The following RAB11FIP2 variants were observed in gnomAD, a reference collection of about 807,000 sequenced individuals.
The protein encoded by RAB11FIP2 is rab11 family-interacting protein 2.
Under a neutral mutation model 40.9 loss-of-function variants are expected in RAB11FIP2, and 16 were observed. The ratio of observed to expected loss-of-function variants is 0.39; its 90% CI spans 0.26 to 0.59. The LOEUF (loss-of-function observed/expected upper bound fraction) is 0.59. RAB11FIP2 is among the 20% of genes least tolerant of loss of function. The pLI, the probability that RAB11FIP2 is intolerant of heterozygous loss-of-function variation, is 0.53. For missense variants in RAB11FIP2, 532 were observed against 606.2 expected, an observed-to-expected ratio of 0.88 and a Z score of 1.28; for synonymous variants, 228 against 213.7, an observed-to-expected ratio of 1.07 and a Z score of -0.58.
intron 1 of RAB11FIP2, among the ~76,000 whole-genome samples, chr10:118,043,155 C>T (rs929895875): frequency 3.9e-5 from 6 of 152,044 alleles, no homozygotes; most frequent in Admixed American, 3.3e-4. Context: ...TATTCCCAAG[C>T]AATTGGTGCT....
In RAB11FIP2 at chr10:118,045,891, C is replaced by A; in HGVS notation, c.273G>T (p.Leu91=). ...GCCCTAAAAATTTATCCAGACCCACCAGGGACCTGTGCATAACTATAAGGA... is the reference window on the plus strand; with the variant it reads ...GCCCTAAAAATTTATCCAGACCCACAAGGGACCTGTGCATAACTATAAGGA... ...ILFLIVMHRS[L]VGLDKFLGQV... is the part of the protein sequence containing the mutation. Residue 91 remains leucine, a synonymous_variant, in exon 1 of 5, where the codon CTG becomes CTT. Coordinates refer to ENST00000355624, the MANE Select transcript of RAB11FIP2 (RefSeq NM_014904.3). 1.2e-6 allele frequency: 2 copies of A among 1,614,174 alleles called. No homozygotes were observed. The highest frequency in any genetic ancestry group is 1.7e-6 in the Non-Finnish European group (2 of 1,180,020).
At chr10:118,014,300 C>A (rs1055800997) in intron 4 of RAB11FIP2, among the ~76,000 whole-genome samples, 1 of 152,142 alleles carries the variant, frequency 6.6e-6, no homozygotes, top group African/African-American at 2.4e-5. Context: ...CAGCAACCAC[C>A]AGTGTCTTGG....
At chr10:118,043,884 A>G (rs1309356443) in intron 1 of RAB11FIP2, among the ~76,000 whole-genome samples, 1 of 152,224 alleles carries the variant, frequency 6.6e-6, no homozygotes, top group African/African-American at 2.4e-5. Context: ...GCTATTAAAT[A>G]TATTAAAAAA....
At chr10:118,035,341 C>T (rs1416230910) in intron 3 of RAB11FIP2, among the ~76,000 whole-genome samples, 2 of 152,140 alleles carry the variant, frequency 1.3e-5, no homozygotes, top group Admixed American at 6.6e-5. Flanking sequence ...CAGAAATGTG[C>T]TATTTAGATT....
At position 118,009,144 on chromosome 10, in the gene RAB11FIP2, C is replaced by T. The variant is rs371077404; in HGVS notation, c.1393G>A (p.Glu465Lys). The T allele has an allele frequency of 1.9e-6, 3 of 1,613,608 alleles. No homozygotes were observed. Among genetic ancestry groups the T allele is most frequent in the Middle Eastern group, 1.7e-4 (1 of 6,060 alleles). ...TGGGTGTCTTTCCTCCTAAGGAGTT[C>T]TTTGTGTTTCACCAGCTCCTGTAGA... ...EVLQELVKHK[E>K]LLRRKDTHIR... The change falls in exon 5 of 5, where the codon GAA becomes AAA. Residue 465 changes from glutamate (E) to lysine (K), a missense_variant. By Grantham distance (56) the Glu-to-Lys change is moderately conservative. Transcript: ENST00000355624.
chr10:118,023,243 T>G (rs551820422), intron 3 of RAB11FIP2, among the ~76,000 whole-genome samples: 1 of 152,208 alleles, frequency 6.6e-6, no homozygotes, highest in Non-Finnish European at 1.5e-5. Flanking sequence ...TTTTTAATGT[T>G]CTTTAATAAT....
chr10:118,034,439 C>A (rs774717421), intron 3 of RAB11FIP2, among the ~76,000 whole-genome samples: 4 of 151,548 alleles, frequency 2.6e-5, no homozygotes, highest in Non-Finnish European at 5.9e-5. Flanking sequence ...TGAAAAACAG[C>A]CTGGTGGTAA....
chr10:118,028,492 C>A (rs1015367534), intron 3 of RAB11FIP2, among the ~76,000 whole-genome samples: 1 of 152,054 alleles, frequency 6.6e-6, no homozygotes, highest in Non-Finnish European at 1.5e-5. Context: ...ATTTGTATCA[C>A]CAGCAGCTAT....
rs1237052978 is a variant in RAB11FIP2, at chr10:118,006,734, T to C, written c.*2264A>G. ...AGAACAGCAAATTTTCAGGCAGTGA[T>C]GAATGTATTAATAGATCTAGTTTTA... On this transcript the variant is annotated 3_prime_UTR_variant, in exon 5 of 5. Transcript: ENST00000355624. The C allele has an allele frequency of 1.3e-5, 2 of 152,122 alleles. No individual in the cohort carries two copies. The highest frequency in any genetic ancestry group is 2.9e-5 in the Non-Finnish European group (2 of 67,958). The allele number at this position is 152,122 out of a possible 1,614,324, so 9.4% of individuals were successfully genotyped here. A position where few individuals can be genotyped will look rare whatever the true frequency, so the allele number is the denominator to read the frequency against.
intron 3 of RAB11FIP2, chr10:118,017,874 C>A (rs1191352725): frequency 1.3e-5 from 2 of 152,096 alleles, no homozygotes; most frequent in Non-Finnish European, 2.9e-5. Context: ...AAGATTTTAT[C>A]AAAATCACAA....
intron 1 of RAB11FIP2, among the ~76,000 whole-genome samples, chr10:118,043,886 AT>A (rs1273753725): frequency 6.6e-6 from 1 of 152,224 alleles, no homozygotes; most frequent in Non-Finnish European, 1.5e-5. Context: ...TATTAAATAT[AT>A]TAAAAAACTA....
At chr10:118,010,446 T>C (rs1846142510) in intron 4 of RAB11FIP2, among the ~76,000 whole-genome samples, 1 of 152,046 alleles carries the variant, frequency 6.6e-6, no homozygotes, top group Non-Finnish European at 1.5e-5. Flanking sequence ...CAATAAGAAT[T>C]AAACTGTCCT....
At chr10:118,032,194 A>T (rs1050236830) in intron 3 of RAB11FIP2, among the ~76,000 whole-genome samples, 2 of 152,094 alleles carry the variant, frequency 1.3e-5, no homozygotes, top group Admixed American at 1.3e-4. Flanking sequence ...TCCTTCAAAG[A>T]ATACACATCA....
rs932152998 is a variant in RAB11FIP2 at position 118,014,162 on chromosome 10, C to T, written c.1311+903G>A. ...CATTTAGAATGGTTTAGAAAATAAA[C>T]CCTAAACCCACCTTAGCTTCTTCTA... On this transcript the variant is annotated intron_variant, in intron 4 of 4. Transcript: ENST00000355624. 3.9e-5 allele frequency among the ~76,000 whole-genome samples: 6 copies of T among 151,992 alleles called. No individual in the cohort carries two copies. In the East Asian group the frequency reaches 1.2e-3, roughly 29 times the overall value.
chr10:118,029,778 T>C (rs1052569065), intron 3 of RAB11FIP2, among the ~76,000 whole-genome samples: 7 of 152,246 alleles, frequency 4.6e-5, no homozygotes, highest in Non-Finnish European at 1.0e-4. Context: ...ATGTTCTTAA[T>C]AAATGTTTGC....
rs1042622044 is a variant in RAB11FIP2, at chr10:118,009,114, G to A, written c.1423C>T (p.Arg475Trp). Reference protein sequence around the residue: ...ELLRRKDTHIRELEDYIDNLL... With the variant: ...ELLRRKDTHIWELEDYIDNLL... The stretch of plus-strand genomic sequence containing the variant: ...TTGTCGATGTAGTCCTCGAGTTCCC[G>A]GATGTGGGTGTCTTTCCTCCTAAGG... The change falls in exon 5 of 5, where the codon CGG becomes TGG. Residue 475 changes from arginine to tryptophan, a missense_variant. Coordinates refer to ENST00000355624, the MANE Select transcript of RAB11FIP2 (RefSeq NM_014904.3). The A allele has an allele frequency of 2.5e-6, 4 of 1,613,350 alleles. No homozygotes were observed. The highest frequency in any genetic ancestry group is 1.3e-5 in the African/African-American group (1 of 74,870).
At chr10:118,019,163 G>A (rs1305124572) in intron 3 of RAB11FIP2, among the ~76,000 whole-genome samples, 1 of 152,058 alleles carries the variant, frequency 6.6e-6, no homozygotes, top group African/African-American at 2.4e-5. Context: ...GCTCTTTGGA[G>A]GGCATTTAAA....
chr10:118,008,782 C>A lies in RAB11FIP2; in HGVS notation c.*216G>T, dbSNP rs1846123720. 7.5e-6 allele frequency: 4 copies of A among 533,086 alleles called. No individual in the cohort carries two copies. The South Asian group carries it at 8.6e-5, about 12-fold the overall frequency. 33.0% of individuals were successfully genotyped at this position (533,086 alleles called of 1,614,324 possible). A position where few individuals can be genotyped will look rare whatever the true frequency, so the allele number is the denominator to read the frequency against. On this transcript the variant is annotated 3_prime_UTR_variant, in exon 5 of 5. Transcript: ENST00000355624. ...AACCACTTATTCATTGAGAATCTGG[C>A]CCATTTTCAATTTAAACATTTAAAT...
chr10:118,042,546 A>G (rs1846574150), intron 1 of RAB11FIP2, among the ~76,000 whole-genome samples: 1 of 152,196 alleles, frequency 6.6e-6, no homozygotes, highest in African/African-American at 2.4e-5. Context: ...ACTGCAGGAC[A>G]CTGTATTTAA....
Sources: gnomAD v4.1 joint callset for allele counts (sites outside exome capture counted in the v4.1 genomes callset) on GRCh38, gnomAD v4.1.1 for gene constraint, MANE v1.5 for transcripts, NCBI Gene and HGNC (gene_info 2026-07-23, HGNC 2026-07-21) for gene names.